The following R3HCC1 variants were observed in gnomAD, a reference collection of about 807,000 sequenced individuals.
R3HCC1 encodes the protein R3H domain and coiled-coil containing 1, also known as R3H and coiled-coil domain-containing protein 1.
R3HCC1 carries 32 observed loss-of-function variants against 40.0 expected under a neutral mutation model. That is an observed-to-expected ratio of 0.80 (90% CI 0.60 to 1.07). The LOEUF (loss-of-function observed/expected upper bound fraction) is 1.07, where lower values mean the gene tolerates loss of function less well. Among genes scored for constraint, R3HCC1 ranks in the 50% least tolerant of loss-of-function variants. The pLI is 0.00. For missense variants in R3HCC1, 586 were observed against 563.3 expected (o/e 1.04, Z -0.41); for synonymous variants, 237 against 232.8 (o/e 1.02, Z -0.17).
Position 23,296,109 on chromosome 8 carries a change from C to T in R3HCC1, c.*12C>T. ...CGCTGCCGCCCTGAGGCCTGGAGAC[C>T]CAACTGGCCTGGATCTGCGTCCCGA... On this transcript the variant is annotated 3_prime_UTR_variant, in exon 8 of 8. Coordinates refer to ENST00000265806, the MANE Select transcript of R3HCC1 (RefSeq NM_001136108.3). 1 of 1,546,318 alleles carries T rather than the reference C, an allele frequency of 6.5e-7. No homozygotes were observed. Among genetic ancestry groups the T allele is most frequent in the Non-Finnish European group, 8.7e-7 (1 of 1,145,112 alleles).
chr8:23,292,286 C>G (rs1802884512), intron 5 of R3HCC1, among the ~76,000 whole-genome samples: 1 of 152,130 alleles, frequency 6.6e-6, no homozygotes, highest in African/African-American at 2.4e-5. Context: ...TGCCACCGTG[C>G]CCAGCTCTGC....
At position 23,296,242 on chromosome 8, in the gene R3HCC1, A is replaced by ATTTC; in HGVS notation, c.*146_*147insTTCT. On this transcript the variant is annotated 3_prime_UTR_variant, in exon 8 of 8. Coordinates refer to ENST00000265806, the MANE Select transcript of R3HCC1 (RefSeq NM_001136108.3). The stretch of plus-strand genomic sequence containing the variant: ...GGTGGGCTTTAGTTTAGTCCCAGAA[A>ATTTC]TGGAGAAAAAATAAAAACTCACGTT... 1.0e-6 allele frequency: 1 copy of ATTTC among 976,400 alleles called. No individual in the cohort carries two copies. 60.5% of individuals were successfully genotyped at this position (976,400 alleles called of 1,614,324 possible).
chr8:23,295,457 A>G (rs904769131), intron 7 of R3HCC1: 3 of 457,046 alleles, frequency 6.6e-6, no homozygotes, highest in African/African-American at 4.0e-5. Flanking sequence ...TTCTACTTCC[A>G]GAAACCATGG....
At position 23,293,284 on chromosome 8, in the gene R3HCC1, C is replaced by G; in HGVS notation, c.1026-19C>G. The G allele has an allele frequency of 1.3e-6, 2 of 1,547,888 alleles. No individual in the cohort carries two copies. The highest frequency in any genetic ancestry group is 1.4e-5 in the African/African-American group (1 of 73,042). On this transcript the variant is annotated intron_variant, in intron 5 of 7. Coordinates refer to ENST00000265806, the MANE Select transcript of R3HCC1 (RefSeq NM_001136108.3). ...CTGCTTGCTTTCCTGAATGTGCTGT[C>G]TCCTCTCTCGCCGCACAGAGAGAAG... is the stretch of plus-strand genomic sequence containing the variant.
intron 4 of R3HCC1, 145 bp downstream of exon 4, chr8:23,290,614 A>G: frequency 3.0e-6 from 3 of 994,024 alleles, no homozygotes; most frequent in Non-Finnish European, 4.3e-6. Context: ...GGGATTCCTT[A>G]GGGAACTCAG....
rs774815075 is a variant in R3HCC1 at position 23,294,750 on chromosome 8, G to A, written c.1097-19G>A. 8.4e-6 allele frequency: 13 copies of A among 1,547,014 alleles called. No individual in the cohort carries two copies. Among genetic ancestry groups the A allele is most frequent in the African/African-American group, 6.9e-5 (5 of 72,910 alleles). The stretch of plus-strand genomic sequence containing the variant: ...CCTGAGGAGGAGGGAGTGGCTCCAC[G>A]CCTGCTTTCTTTCCACAGCTGCGGA... On this transcript the variant is annotated intron_variant, in intron 6 of 7. Coordinates refer to ENST00000265806, the MANE Select transcript of R3HCC1 (RefSeq NM_001136108.3).
Position 23,288,134 on chromosome 8 carries a change from G to A in R3HCC1, c.-42G>A. On this transcript the variant is annotated 5_prime_UTR_variant, in exon 1 of 8. Coordinates refer to ENST00000265806, the MANE Select transcript of R3HCC1 (RefSeq NM_001136108.3). The stretch of plus-strand genomic sequence containing the variant: ...CTGGCCCCTGGGGACGCCGAGGGCG[G>A]CTGCGACGCGCCGAGAGGCCGCGGT... The A allele has an allele frequency of 8.0e-7, 1 of 1,252,126 alleles. No individual in the cohort carries two copies. The highest frequency in any genetic ancestry group is 1.0e-6 in the Non-Finnish European group (1 of 973,344). 77.6% of individuals were successfully genotyped at this position (1,252,126 alleles called of 1,614,324 possible). A position where few individuals can be genotyped will look rare whatever the true frequency, so the allele number is the denominator to read the frequency against.
At chr8:23,294,074 G>C (rs539569617) in intron 6 of R3HCC1, among the ~76,000 whole-genome samples, 1 of 152,302 alleles carries the variant, frequency 6.6e-6, no homozygotes, top group Non-Finnish European at 1.5e-5. Context: ...ATTGCTGCTG[G>C]GGCCCAGTCC....
At chr8:23,293,167 G>A (rs539624786) in intron 5 of R3HCC1, 136 bp from the exon 6 acceptor site, 23 of 648,440 alleles carry the variant, frequency 3.5e-5, no homozygotes, top group East Asian at 2.1e-4. Flanking sequence ...GATTGTCTCC[G>A]TCCCAGAAGA....
intron 5 of R3HCC1, among the ~76,000 whole-genome samples, chr8:23,292,194 C>T (rs1802882634): frequency 6.6e-6 from 1 of 152,048 alleles, no homozygotes; most frequent in Admixed American, 6.5e-5. Flanking sequence ...GTGGTACGAT[C>T]ACAGCTTGCT....
chr8:23,290,351 G>A lies in R3HCC1; in HGVS notation c.734G>A (p.Gly245Glu). 7 of 1,551,874 alleles carry A rather than the reference G, an allele frequency of 4.5e-6. No homozygotes were observed. Among genetic ancestry groups the A allele is most frequent in the Non-Finnish European group, 6.1e-6 (7 of 1,147,034 alleles). ...ACCCTGCAGCTAGACCTGGAAAAGG[G>A]GAAGGAGAGTCTGTTGGAGAAGAGG... The change falls in exon 4 of 8, where the codon GGG becomes GAG. Residue 245 changes from glycine to glutamate, a missense_variant. Gly to Glu is a moderately conservative substitution (Grantham distance 98, BLOSUM62 -2). Transcript: ENST00000265806.
intron 1 of R3HCC1, 90 bp downstream of exon 1, chr8:23,288,247 G>T: frequency 8.5e-7 from 1 of 1,171,898 alleles, no homozygotes; most frequent in South Asian, 1.6e-5. Flanking sequence ...GCAGGCCCCC[G>T]TGAGCCCCGG....
At chr8:23,288,853 G>T (rs1802796484) in intron 2 of R3HCC1, among the ~76,000 whole-genome samples, 163 bp from the exon 3 acceptor site, 1 of 152,176 alleles carries the variant, frequency 6.6e-6, no homozygotes, top group Non-Finnish European at 1.5e-5. Flanking sequence ...GGACCTGTGG[G>T]TCCCTGCGAT....
intron 7 of R3HCC1, chr8:23,295,633 T>G (rs1436353621): frequency 2.1e-6 from 1 of 470,980 alleles, no homozygotes; most frequent in East Asian, 4.6e-5. Flanking sequence ...GTCTGTGAGC[T>G]CTGGGTGTTC....
Position 23,289,064 on chromosome 8 carries a change from T to C in R3HCC1, c.159T>C (p.His53=), listed in dbSNP as rs1227641426. The stretch of plus-strand genomic sequence containing the variant: ...CCAGTCGCCTCCGGTACCTGATCCA[T>C]AGAACAGCAGAGAATTTTGATCTCT... The change falls in exon 3 of 8, where the codon CAT becomes CAC. Residue 53 remains histidine (H), a synonymous_variant. Transcript: ENST00000265806. 3.3e-6 allele frequency: 5 copies of C among 1,536,576 alleles called. No homozygotes were observed. Among genetic ancestry groups the C allele is most frequent in the East Asian group, 2.4e-5 (1 of 40,910 alleles).
Position 23,290,236 on chromosome 8 carries a change from CT to C in R3HCC1, c.620del (p.Leu207ArgfsTer34), listed in dbSNP as rs1802835023. On this transcript the variant is annotated frameshift_variant, in exon 4 of 8. Transcript: ENST00000265806. LOFTEE classifies it high-confidence loss of function. ...AGGACAAAGGTGTGAGAATGAGCCACTGCTGGACCCTGTTGGCCCTGAGCCT... is the reference window on the plus strand; with the variant it reads ...AGGACAAAGGTGTGAGAATGAGCCACGCTGGACCCTGTTGGCCCTGAGCCT... 1 of 1,551,636 alleles carries C rather than the reference CT, an allele frequency of 6.4e-7. No homozygotes were observed. The highest frequency in any genetic ancestry group is 8.7e-7 in the Non-Finnish European group (1 of 1,147,020).
Position 23,290,226 on chromosome 8 carries a change from GA to G in R3HCC1, c.611del (p.Asn204MetfsTer37). The G allele has an allele frequency of 6.4e-7, 1 of 1,551,776 alleles. No homozygotes were observed. The highest frequency in any genetic ancestry group is 1.2e-5 in the South Asian group (1 of 84,064). On this transcript the variant is annotated frameshift_variant, in exon 4 of 8. Transcript: ENST00000265806. LOFTEE classifies it high-confidence loss of function. Reference sequence around the variant, plus strand: ...TAAAGGGCCCAGGACAAAGGTGTGAGAATGAGCCACTGCTGGACCCTGTTGG... The same window carrying G: ...TAAAGGGCCCAGGACAAAGGTGTGAGATGAGCCACTGCTGGACCCTGTTGG...
chr8:23,292,344 C>G (rs1802886088), intron 5 of R3HCC1, among the ~76,000 whole-genome samples: 2 of 152,140 alleles, frequency 1.3e-5, no homozygotes, highest in Admixed American at 6.5e-5. Context: ...GTGGCTCACG[C>G]CTGTAATCCC....
In R3HCC1 at chr8:23,289,901, G is replaced by A. The variant is rs1419560077; in HGVS notation, c.284G>A (p.Arg95His). The A allele has an allele frequency of 5.2e-6, 8 of 1,531,580 alleles. No homozygotes were observed. Among genetic ancestry groups the A allele is most frequent in the Non-Finnish European group, 7.0e-6 (8 of 1,144,184 alleles). 94.9% of individuals were successfully genotyped at this position (1,531,580 alleles called of 1,614,324 possible). Residue 95 changes from arginine to histidine, a missense_variant, in exon 4 of 8, where the codon CGC becomes CAC. Physicochemically the swap from Arg to His is conservative, Grantham distance 29. Coordinates refer to ENST00000265806, the MANE Select transcript of R3HCC1 (RefSeq NM_001136108.3). ...TCGGATGGCCTCTCTGGCCCCTGCC[G>A]CGCTCCTGCCTCCTGCCCCAGCAGG...
Sources: gnomAD v4.1 joint callset for allele counts (sites outside exome capture counted in the v4.1 genomes callset) on GRCh38, gnomAD v4.1.1 for gene constraint, MANE v1.5 for transcripts, NCBI Gene and HGNC (gene_info 2026-07-23, HGNC 2026-07-21) for gene names.